Variants in CRMP1 observed in about 807,000 individuals in gnomAD.
CRMP1 encodes collapsin response mediator protein 1, also known as dihydropyrimidinase-related protein 1.
In CRMP1, 19 loss-of-function variants were observed where a neutral mutation model predicts 68.3. The observed-to-expected ratio is 0.28, with a 90% CI of 0.19 to 0.41. CRMP1 has a LOEUF of 0.41. Among genes scored for constraint, CRMP1 ranks in the 10% least tolerant of loss-of-function variants. CRMP1 has a pLI of 1.00. For missense variants in CRMP1, 791 were observed against 967.4 expected (o/e 0.82, Z 2.42); for synonymous variants, 439 against 399.6 (o/e 1.10, Z -1.18).
rs1185230868 is a variant in CRMP1, at chr4:5,877,919, C to A, written c.382-11163G>T. Among the ~76,000 whole-genome samples the A allele has an allele frequency of 1.3e-5, 2 of 152,210 alleles. No homozygotes were observed. Among genetic ancestry groups the A allele is most frequent in the African/African-American group, 4.8e-5 (2 of 41,448 alleles). ...GGCCTGCACGCTGCATAGGGAAAGA[C>A]GATGCTAGCTGCATGTGTGATCGGT... is the stretch of plus-strand genomic sequence containing the variant. On this transcript the variant is annotated intron_variant, in intron 1 of 13. Transcript: ENST00000324989. The surrounding 1 kb of genome is among the most constrained non-coding windows in gnomAD (Gnocchi z 4.3).
chr4:5,880,866 A>C (rs1376310119), intron 1 of CRMP1, among the ~76,000 whole-genome samples: 1 of 152,180 alleles, frequency 6.6e-6, no homozygotes, highest in Non-Finnish European at 1.5e-5. Context: ...TCTTGCTCCC[A>C]TTCACTCACT....
At position 5,834,731 on chromosome 4, in the gene CRMP1, C is replaced by G. The variant is rs1166596326; in HGVS notation, c.1623+1184G>C. ...TCATAATAAATAATAGAATTGCAAG[C>G]CCTGCTGGACTGTACATGTGCGTGG... On this transcript the variant is annotated intron_variant, in intron 11 of 13. Transcript: ENST00000324989. This position sits in a 1 kb window ranked among gnomAD's most constrained non-coding sequence, Gnocchi z 4.3. Among the ~76,000 whole-genome samples the G allele has an allele frequency of 6.6e-6, 1 of 152,178 alleles. No individual in the cohort carries two copies. Among genetic ancestry groups the G allele is most frequent in the Non-Finnish European group, 1.5e-5 (1 of 68,026 alleles).
At chr4:5,851,656 G>A (rs978281435) in intron 4 of CRMP1, among the ~76,000 whole-genome samples, 187 bp from the exon 5 acceptor site, 2 of 151,938 alleles carry the variant, frequency 1.3e-5, no homozygotes, top group African/African-American at 4.8e-5. Context: ...TCCAGGGAAG[G>A]TCACACCTAA....
At position 5,892,617 on chromosome 4, in the gene CRMP1, T is replaced by A. The variant is rs1431466184; in HGVS notation, c.353A>T (p.Asp118Val). 7 of 1,188,878 alleles carry A rather than the reference T, an allele frequency of 5.9e-6. No homozygotes were observed. In the African/African-American group the frequency reaches 8.0e-5, roughly 14 times the overall value. The allele number at this position is 1,188,878 out of a possible 1,614,324, so 73.6% of individuals were successfully genotyped here. A position where few individuals can be genotyped will look rare whatever the true frequency, so the allele number is the denominator to read the frequency against. ...GCCATTGTCCCGGCCGAGGGGCAGG[T>A]CGCGGGGCGCGGGGCGGCGGATGCG... Reference protein sequence around the residue: ...TLRIRRPAPRDLPLGRDNGQS... With the variant: ...TLRIRRPAPRVLPLGRDNGQS... Residue 118 changes from aspartate (D) to valine (V), a missense_variant, in exon 1 of 14, where the codon GAC (aspartate) becomes GTC (valine). Physicochemically the swap from Asp to Val is radical, Grantham distance 152. Around this residue, in one of 3 missense-constraint regions of CRMP1, gnomAD observed 193 missense variants for 186.3 expected, o/e 1.04. Coordinates refer to ENST00000324989, the MANE Select transcript of CRMP1 (RefSeq NM_001014809.3). This position sits in a 1 kb window ranked among gnomAD's most constrained non-coding sequence, Gnocchi z 8.6.
intron 1 of CRMP1, among the ~76,000 whole-genome samples, chr4:5,868,282 T>TAG: frequency 1.1e-5 from 1 of 92,136 alleles, no homozygotes; most frequent in African/African-American, 4.5e-5. Flanking sequence ...TATATATATA[T>TAG]ATATATATAT....
rs1011783753 is a variant in CRMP1 at position 5,850,009 on chromosome 4, T to C, written c.883-537A>G. ...TAATAACTCCAATACTCAGAAAATA[T>C]ATAGCATGCCAACCATCCTCTCAAT... On this transcript the variant is annotated intron_variant, in intron 5 of 13. Coordinates refer to ENST00000324989, the MANE Select transcript of CRMP1 (RefSeq NM_001014809.3). The surrounding 1 kb of genome is among the most constrained non-coding windows in gnomAD (Gnocchi z 4.4). 4.6e-5 allele frequency among the ~76,000 whole-genome samples: 7 copies of C among 152,140 alleles called. No individual in the cohort carries two copies. The highest frequency in any genetic ancestry group is 1.7e-4 in the African/African-American group (7 of 41,440).
Position 5,854,546 on chromosome 4 carries a change from T to C in CRMP1, c.820+1597A>G, listed in dbSNP as rs552540985. On this transcript the variant is annotated intron_variant, in intron 4 of 13. Transcript: ENST00000324989. The surrounding 1 kb of genome is among the most constrained non-coding windows in gnomAD (Gnocchi z 4.0). Reference sequence around the variant, plus strand: ...AGGCATGAGCCACCATGGCCAATAATGCCTTCTTGATAGAAAGAGCTTAAA... The same window carrying C: ...AGGCATGAGCCACCATGGCCAATAACGCCTTCTTGATAGAAAGAGCTTAAA... Among the ~76,000 whole-genome samples the C allele has an allele frequency of 1.7e-3, 255 of 151,984 alleles. 3 individuals carry two copies. The highest frequency in any genetic ancestry group is 5.6e-3 in the African/African-American group (232 of 41,482).
intron 13 of CRMP1, among the ~76,000 whole-genome samples, chr4:5,823,832 T>C (rs1276967544): frequency 6.6e-6 from 1 of 152,224 alleles, no homozygotes; most frequent in Non-Finnish European, 1.5e-5. Context: ...TAATCCTTTA[T>C]AGCAATGTAA....
Position 5,821,745 on chromosome 4 carries a change from T to C in CRMP1, c.*15A>G, listed in dbSNP as rs765901116. On this transcript the variant is annotated 3_prime_UTR_variant, in exon 14 of 14. Coordinates refer to ENST00000324989, the MANE Select transcript of CRMP1 (RefSeq NM_001014809.3). The surrounding 1 kb of genome is among the most constrained non-coding windows in gnomAD (Gnocchi z 4.4). Reference sequence around the variant, plus strand: ...TCCCAGAATCCTTCAGGCTAGCTCCTCCGCGCATCCACGTTCAACCGAGGC... The same window carrying C: ...TCCCAGAATCCTTCAGGCTAGCTCCCCCGCGCATCCACGTTCAACCGAGGC... The C allele has an allele frequency of 6.3e-7, 1 of 1,598,502 alleles. No homozygotes were observed. Among genetic ancestry groups the C allele is most frequent in the Non-Finnish European group, 8.5e-7 (1 of 1,171,078 alleles).
intron 1 of CRMP1, among the ~76,000 whole-genome samples, chr4:5,887,118 C>T (rs1250171477): frequency 1.3e-5 from 2 of 152,184 alleles, no homozygotes; most frequent in Non-Finnish European, 2.9e-5. Context: ...GGGAGCTTTA[C>T]GTGGGTAATG....
intron 1 of CRMP1, chr4:5,887,322 G>A (rs1715658914): frequency 1.0e-6 from 1 of 980,476 alleles, no homozygotes; most frequent in Non-Finnish European, 1.2e-6. Flanking sequence ...CAAACCTCTG[G>A]AGTCACCCTG....
rs200341633 is a variant in CRMP1 at position 5,857,240 on chromosome 4, CCAT to C, written c.656-936_656-934del. On this transcript the variant is annotated intron_variant, in intron 3 of 13. Coordinates refer to ENST00000324989, the MANE Select transcript of CRMP1 (RefSeq NM_001014809.3). Reference sequence around the variant, plus strand: ...ACCAGCACCACCATCATCACCATCACCATCATCATCATCACTATCATTATCACC... The same window carrying C: ...ACCAGCACCACCATCATCACCATCACCATCATCATCACTATCATTATCACC... Among the ~76,000 whole-genome samples, 1,115 of 151,514 alleles carry C rather than the reference CCAT, an allele frequency of 7.4e-3. 13 individuals carry two copies. Among genetic ancestry groups the C allele is most frequent in the African/African-American group, 0.025 (1,032 of 41,282 alleles).
chr4:5,851,143 C>A (rs1226891220), intron 5 of CRMP1, among the ~76,000 whole-genome samples: 1 of 152,204 alleles, frequency 6.6e-6, no homozygotes. Context: ...TTCAAGTGAG[C>A]TCTCCAGATG....
rs116174295 is a variant in CRMP1 at position 5,870,079 on chromosome 4, T to C, written c.382-3323A>G. On this transcript the variant is annotated intron_variant, in intron 1 of 13. Transcript: ENST00000324989. This position sits in a 1 kb window ranked among gnomAD's most constrained non-coding sequence, Gnocchi z 6.0. ...AGTCGGCTGCTCAAAGCTTCTTGCA[T>C]CAGAATCATACTTCCCTCAGAGTGA... Among the ~76,000 whole-genome samples the C allele has an allele frequency of 0.02, 3,009 of 152,306 alleles. 58 individuals carry two copies. Among genetic ancestry groups the C allele is most frequent in the South Asian group, 0.047 (226 of 4,822 alleles).
At chr4:5,868,261 C>CCATATATATA (rs1714138968) in intron 1 of CRMP1, among the ~76,000 whole-genome samples, 1 of 111,472 alleles carries the variant, frequency 9.0e-6, no homozygotes, top group South Asian at 3.1e-4. Flanking sequence ...GACTATATAT[C>CCATATATATA]TATATATATA....
intron 2 of CRMP1, among the ~76,000 whole-genome samples, chr4:5,862,559 A>G (rs1183438947): frequency 6.6e-6 from 1 of 152,228 alleles, no homozygotes; most frequent in Non-Finnish European, 1.5e-5. Flanking sequence ...TTCTAAGCGC[A>G]TCACGGCTTC....
rs1715348369 is a variant in CRMP1 at position 5,883,370 on chromosome 4, G to C, written c.381+9219C>G. On this transcript the variant is annotated intron_variant, in intron 1 of 13. Coordinates refer to ENST00000324989, the MANE Select transcript of CRMP1 (RefSeq NM_001014809.3). The surrounding 1 kb of genome is among the most constrained non-coding windows in gnomAD (Gnocchi z 4.5). ...GCTGAAGTGCAGTGGCATGATCTCAGCTCACTGCAACCTCTGCCTCCCAGG... is the reference window on the plus strand; with the variant it reads ...GCTGAAGTGCAGTGGCATGATCTCACCTCACTGCAACCTCTGCCTCCCAGG... Among the ~76,000 whole-genome samples, 1 of 151,276 alleles carries C rather than the reference G, an allele frequency of 6.6e-6. No individual in the cohort carries two copies. Among genetic ancestry groups the C allele is most frequent in the South Asian group, 2.1e-4 (1 of 4,760 alleles).
rs1197385224 is a variant in CRMP1, at chr4:5,870,623, A to G, written c.382-3867T>C. On this transcript the variant is annotated intron_variant, in intron 1 of 13. Transcript: ENST00000324989. This position sits in a 1 kb window ranked among gnomAD's most constrained non-coding sequence, Gnocchi z 6.0. ...GATGAATGGGTGAAGATGGAGAGAA[A>G]GGCATCACAGCTGTGAGCCGAGGAA... is the stretch of plus-strand genomic sequence containing the variant. Among the ~76,000 whole-genome samples the G allele has an allele frequency of 6.6e-6, 1 of 152,238 alleles. No individual in the cohort carries two copies. Among genetic ancestry groups the G allele is most frequent in the Non-Finnish European group, 1.5e-5 (1 of 68,048 alleles).
chr4:5,863,949 G>T (rs1343103337), intron 2 of CRMP1, among the ~76,000 whole-genome samples: 1 of 152,202 alleles, frequency 6.6e-6, no homozygotes, highest in African/African-American at 2.4e-5. Flanking sequence ...AGCTTCACAA[G>T]TCCGGAGTAG....
Sources: gnomAD v4.1 joint callset for allele counts (sites outside exome capture counted in the v4.1 genomes callset) on GRCh38, gnomAD v4.1.1 for gene constraint, gnomAD v4.1.1 regional missense constraint, Gnocchi (gnomAD v3.1) non-coding constraint, MANE v1.5 for transcripts, NCBI Gene and HGNC (gene_info 2026-07-23, HGNC 2026-07-21) for gene names.